Variants in PTPRT observed in about 807,000 individuals in gnomAD.
PTPRT encodes the protein receptor-type tyrosine-protein phosphatase T.
Under a neutral mutation model 176.8 loss-of-function variants are expected in PTPRT, and 56 were observed. The ratio of observed to expected loss-of-function variants is 0.32; its 90% confidence interval spans 0.26 to 0.40. The LOEUF (loss-of-function observed/expected upper bound fraction) is 0.40. Among genes scored for constraint, PTPRT ranks in the 10% least tolerant of loss-of-function variants. The pLI, the probability that PTPRT is intolerant of heterozygous loss-of-function variation, is 1.00. For synonymous variants in PTPRT, 783 were observed against 739.0 expected (o/e 1.06, Z -0.96); for missense variants, 1,540 against 1,908.2 (o/e 0.81, Z 3.60).
chr20:42,577,583 CG>C (rs1319675715), intron 7 of PTPRT, among the ~76,000 whole-genome samples: 1 of 152,098 alleles, frequency 6.6e-6, no homozygotes, highest in Non-Finnish European at 1.5e-5. Flanking sequence ...TCAAAGAGGT[CG>C]GGGGAGTATT....
intron 9 of PTPRT, among the ~76,000 whole-genome samples, chr20:42,368,475 G>A (rs970660913): frequency 5.3e-5 from 8 of 152,062 alleles, no homozygotes; most frequent in South Asian, 2.1e-4. Context: ...GGCTGGGAGC[G>A]TAGCAGGCTT....
At chr20:42,386,881 G>T (rs1402583417) in intron 9 of PTPRT, among the ~76,000 whole-genome samples, 1 of 151,944 alleles carries the variant, frequency 6.6e-6, no homozygotes, top group Non-Finnish European at 1.5e-5. Flanking sequence ...CAAAAAAAAA[G>T]AATTATTATC....
chr20:42,668,062 T>A (rs1374053789), intron 7 of PTPRT, among the ~76,000 whole-genome samples: 2 of 152,166 alleles, frequency 1.3e-5, no homozygotes, highest in African/African-American at 2.4e-5. Context: ...TTAGACAGAC[T>A]TGCTGTGTTG....
chr20:43,092,527 G>A lies in PTPRT; in HGVS notation c.88+97119C>T, dbSNP rs577253282. Among the ~76,000 whole-genome samples the A allele has an allele frequency of 1.0e-3, 153 of 152,284 alleles. 1 individual carries two copies. Among genetic ancestry groups the A allele is most frequent in the African/African-American group, 3.5e-3 (146 of 41,560 alleles). On this transcript the variant is annotated intron_variant, in intron 1 of 30. Transcript: ENST00000373187. ...TACTATGTAGACATTAGCACTGCTT[G>A]CCAAATGTTTTTGGCTCTCAGCTTC...
chr20:43,179,954 C>T (rs748183423), intron 1 of PTPRT, among the ~76,000 whole-genome samples: 1 of 152,122 alleles, frequency 6.6e-6, no homozygotes, highest in Non-Finnish European at 1.5e-5. Context: ...GCCCAGCTAG[C>T]TGGTAAGATG....
At chr20:42,154,698 C>G (rs1055146212) in intron 17 of PTPRT, among the ~76,000 whole-genome samples, 12 of 152,200 alleles carry the variant, frequency 7.9e-5, no homozygotes, top group African/African-American at 2.9e-4. Context: ...GTCACCTCTT[C>G]CAATTCTCCC....
chr20:42,133,368 T>C (rs1414318586), intron 18 of PTPRT, among the ~76,000 whole-genome samples: 1 of 152,146 alleles, frequency 6.6e-6, no homozygotes, highest in Non-Finnish European at 1.5e-5. Context: ...GAAGCAGAAA[T>C]GAGTTATCAA....
intron 6 of PTPRT, among the ~76,000 whole-genome samples, chr20:42,749,903 G>A (rs940975741): frequency 1.3e-5 from 2 of 152,174 alleles, no homozygotes; most frequent in Admixed American, 6.5e-5. Flanking sequence ...AGCAGTCAAC[G>A]GTGGAACGTG....
intron 7 of PTPRT, among the ~76,000 whole-genome samples, chr20:42,559,128 T>G (rs1464461206): frequency 6.6e-6 from 1 of 152,226 alleles, no homozygotes; most frequent in African/African-American, 2.4e-5. Flanking sequence ...GCTGATGGAA[T>G]AGAACATTGT....
At chr20:43,079,592 C>A (rs1033442396) in intron 1 of PTPRT, among the ~76,000 whole-genome samples, 13 of 152,108 alleles carry the variant, frequency 8.5e-5, no homozygotes, top group African/African-American at 2.9e-4. Flanking sequence ...AAACTGCATA[C>A]AATTTTGGTT....
chr20:43,006,069 C>T (rs545106991), intron 1 of PTPRT, among the ~76,000 whole-genome samples: 7 of 152,236 alleles, frequency 4.6e-5, no homozygotes, highest in South Asian at 2.1e-4. Flanking sequence ...CAATTCTATA[C>T]GCAAAATAGA....
At chr20:42,367,555 A>G (rs80129688) in intron 9 of PTPRT, among the ~76,000 whole-genome samples, 10,856 of 152,272 alleles carry the variant, frequency 0.071, 403 homozygotes, top group Middle Eastern at 0.11. Flanking sequence ...TAAATATGCC[A>G]TTTATTTGGT....
At chr20:43,042,357 C>A (rs1486458662) in intron 1 of PTPRT, among the ~76,000 whole-genome samples, 1 of 135,886 alleles carries the variant, frequency 7.4e-6, no homozygotes, top group East Asian at 2.0e-4. Context: ...ATTTACTAAC[C>A]AGGCAGCACA....
At chr20:42,885,732 T>A (rs762028020) in intron 2 of PTPRT, 75 bp downstream of exon 2, 146 of 1,534,762 alleles carry the variant, frequency 9.5e-5, no homozygotes, top group Non-Finnish European at 1.2e-4. Context: ...AATGTGTAAG[T>A]AAGTTCTTCC....
chr20:42,679,183 C>G (rs1217139485), intron 6 of PTPRT, among the ~76,000 whole-genome samples: 3 of 152,142 alleles, frequency 2.0e-5, no homozygotes. Flanking sequence ...AATTATTAGC[C>G]CATGGCAAAG....
chr20:42,999,243 C>T (rs558854361), intron 1 of PTPRT, among the ~76,000 whole-genome samples: 1 of 152,286 alleles, frequency 6.6e-6, no homozygotes, highest in East Asian at 1.9e-4. Flanking sequence ...AATAGACACA[C>T]ACATACACAA....
chr20:42,849,429 T>G (rs2078432297), intron 2 of PTPRT, among the ~76,000 whole-genome samples: 1 of 152,246 alleles, frequency 6.6e-6, no homozygotes, highest in Non-Finnish European at 1.5e-5. Flanking sequence ...AAGTCAGGCA[T>G]GTACTGCTTC....
At chr20:42,847,063 A>G (rs1002765215) in intron 2 of PTPRT, among the ~76,000 whole-genome samples, 3 of 152,226 alleles carry the variant, frequency 2.0e-5, no homozygotes, top group African/African-American at 7.2e-5. Flanking sequence ...ATGAAGATCA[A>G]ATTAGTTAAT....
intron 9 of PTPRT, among the ~76,000 whole-genome samples, chr20:42,441,737 G>A (rs58755677): frequency 0.01 from 1,591 of 152,214 alleles, 31 homozygotes; most frequent in African/African-American, 0.035. Context: ...ACTTTCTGGC[G>A]GATTAGCTGT....
Sources: gnomAD v4.1 joint callset for allele counts (sites outside exome capture counted in the v4.1 genomes callset) on GRCh38, gnomAD v4.1.1 for gene constraint, MANE v1.5 for transcripts, NCBI Gene and HGNC (gene_info 2026-07-23, HGNC 2026-07-21) for gene names.